ATF7: variants seen among roughly 807,000 people sequenced by gnomAD.
The protein encoded by ATF7 is cyclic AMP-dependent transcription factor ATF-7.
In ATF7, 10 loss-of-function variants were observed where a neutral mutation model predicts 50.4. The observed-to-expected ratio is 0.20, with a 90% CI of 0.12 to 0.34. ATF7 has a LOEUF of 0.34. Among genes scored for constraint, ATF7 ranks in the 10% least tolerant of loss-of-function variants. ATF7 has a pLI of 1.00. For missense variants in ATF7, 465 were observed against 613.9 expected (o/e 0.76, Z 2.56); for synonymous variants, 201 against 226.4 (o/e 0.89, Z 1.01).
At chr12:53,511,826 C>T (rs1944135752), downstream of ATF7, among the ~76,000 whole-genome samples, 1 of 152,186 alleles carries the variant, frequency 6.6e-6, no homozygotes, top group Non-Finnish European at 1.5e-5. Context: ...CCAAGGCAGT[C>T]CACAGGAGCT....
At chr12:53,510,119 A>C (rs369018310), downstream of ATF7, among the ~76,000 whole-genome samples, 193 of 149,868 alleles carry the variant, frequency 1.3e-3, 4 homozygotes, top group South Asian at 0.039. Flanking sequence ...GGCTCACCAC[A>C]ACATCTGCCT....
rs571373216 is a variant in ATF7, at chr12:53,567,011, C to T, written c.49-14374G>A. On this transcript the variant is annotated intron_variant, in intron 2 of 11. Transcript: ENST00000420353. ...TTGTGATCCGCCCGCCTCTGCCTCC[C>T]TAAGTGCTGGGATTACAGGCGTGAG... 2.0e-5 allele frequency among the ~76,000 whole-genome samples: 3 copies of T among 152,328 alleles called. No homozygotes were observed. The East Asian group carries it at 5.8e-4, about 29-fold the overall frequency.
intron 2 of ATF7, among the ~76,000 whole-genome samples, chr12:53,599,933 T>C (rs922747106): frequency 6.6e-6 from 1 of 151,912 alleles, no homozygotes; most frequent in African/African-American, 2.4e-5. Context: ...GGAAGAAGAG[T>C]TAAGAAGATG....
chr12:53,578,761 G>A (rs948142310), intron 2 of ATF7, among the ~76,000 whole-genome samples: 4 of 147,648 alleles, frequency 2.7e-5, no homozygotes, highest in African/African-American at 7.6e-5. Flanking sequence ...CCCAGCCTAC[G>A]TGACACAGTG....
chr12:53,587,843 A>ATATATATATATATATATATTT, intron 2 of ATF7, among the ~76,000 whole-genome samples: 40 of 61,524 alleles, frequency 6.5e-4, no homozygotes, highest in South Asian at 7.4e-4. Flanking sequence ...ATATATATAT[A>ATATATATATATATATATATTT]TTTTTTTTTT....
intron 4 of ATF7, among the ~76,000 whole-genome samples, chr12:53,541,791 A>G (rs1312765041): frequency 1.3e-5 from 2 of 152,138 alleles, no homozygotes; most frequent in Non-Finnish European, 2.9e-5. Context: ...ATTTGTTCAC[A>G]CTAGATCTCT....
chr12:53,537,379 A>G (rs1939283288), intron 5 of ATF7, 36 bp downstream of exon 5: 1 of 1,609,602 alleles, frequency 6.2e-7, no homozygotes, highest in Non-Finnish European at 8.5e-7. Flanking sequence ...AACTTTATCA[A>G]TTAACATTTG....
intron 2 of ATF7, among the ~76,000 whole-genome samples, chr12:53,599,609 A>G (rs1943303207): frequency 6.6e-6 from 1 of 152,252 alleles, no homozygotes; most frequent in Admixed American, 6.5e-5. Flanking sequence ...TCAAAATTTT[A>G]GCATTTACTG....
At chr12:53,530,556 TTATTTTTTTA>T (rs1304243260) in intron 9 of ATF7, among the ~76,000 whole-genome samples, 3 of 151,434 alleles carry the variant, frequency 2.0e-5, no homozygotes, top group South Asian at 2.1e-4. Context: ...TTTTGGTGTC[TTATTTTTTTA>T]TATTTTTTTA....
At chr12:53,561,586 A>G (rs1258171088) in intron 2 of ATF7, among the ~76,000 whole-genome samples, 2 of 152,206 alleles carry the variant, frequency 1.3e-5, no homozygotes, top group Admixed American at 6.5e-5. Flanking sequence ...AGTTTGGGAA[A>G]GCAGGGAAAG....
downstream of ATF7, among the ~76,000 whole-genome samples, chr12:53,509,154 A>G (rs1042443977): frequency 2.8e-4 from 42 of 152,226 alleles, no homozygotes; most frequent in Admixed American, 2.4e-3. Context: ...TCCCGCTCTG[A>G]GCTTCAGTTT....
intron 2 of ATF7, among the ~76,000 whole-genome samples, chr12:53,598,091 A>G (rs1423891452): frequency 6.6e-6 from 1 of 152,250 alleles, no homozygotes; most frequent in Non-Finnish European, 1.5e-5. Context: ...AGGGATATTA[A>G]GGAAGTTGGA....
chr12:53,551,932 G>A (rs1940382684), intron 3 of ATF7, among the ~76,000 whole-genome samples: 1 of 152,166 alleles, frequency 6.6e-6, no homozygotes, highest in South Asian at 2.1e-4. Flanking sequence ...TGCTAAGAGG[G>A]CTCCCTTGAG....
intron 2 of ATF7, among the ~76,000 whole-genome samples, chr12:53,583,236 T>C (rs1484570212): frequency 1.3e-5 from 2 of 152,138 alleles, no homozygotes; most frequent in East Asian, 3.8e-4. Flanking sequence ...TCCCCATCAC[T>C]TGCATTACAG....
rs397938442 is a variant in ATF7, at chr12:53,535,328, C to CAAAAAAAAAAAAAAAAAAA, written c.403-670_403-669insTTTTTTTTTTTTTTTTTTT. Reference sequence around the variant, plus strand: ...CTGGCGACAGAGCGAGACTCTGCCTCAAAAAAAAAAAAAAAAAGAAAAGGG... The same window carrying CAAAAAAAAAAAAAAAAAAA: ...CTGGCGACAGAGCGAGACTCTGCCTCAAAAAAAAAAAAAAAAAAAAAAAAAAAAAAAAAAAAGAAAAGGG... On this transcript the variant is annotated intron_variant, in intron 5 of 11. Transcript: ENST00000420353. Among the ~76,000 whole-genome samples, 130 of 64,854 alleles carry CAAAAAAAAAAAAAAAAAAA rather than the reference C, an allele frequency of 2.0e-3. 1 individual carries two copies. The highest frequency in any genetic ancestry group is 0.011 in the East Asian group (22 of 2,062). The allele number at this position is 64,854 out of a possible 152,430, so 42.5% of individuals were successfully genotyped here. A position where few individuals can be genotyped will look rare whatever the true frequency, so the allele number is the denominator to read the frequency against.
intron 1 of ATF7, among the ~76,000 whole-genome samples, chr12:53,611,604 T>G (rs1943884093): frequency 6.6e-6 from 1 of 151,934 alleles, no homozygotes; most frequent in South Asian, 2.1e-4. Context: ...TTTTCTTTTC[T>G]TTTTGAGACA....
chr12:53,540,640 C>G (rs185455944), intron 4 of ATF7, among the ~76,000 whole-genome samples: 3 of 151,978 alleles, frequency 2.0e-5, no homozygotes, highest in South Asian at 4.2e-4. Flanking sequence ...GCAGGAGAAT[C>G]GCTTGAACCT....
intron 2 of ATF7, among the ~76,000 whole-genome samples, chr12:53,564,739 A>G (rs1293310202): frequency 6.6e-6 from 1 of 152,214 alleles, no homozygotes; most frequent in Non-Finnish European, 1.5e-5. Flanking sequence ...CATCGTTATG[A>G]TCTGGGTTTA....
chr12:53,610,472 G>C (rs951455955), intron 1 of ATF7, among the ~76,000 whole-genome samples: 6 of 151,600 alleles, frequency 4.0e-5, no homozygotes, highest in African/African-American at 1.2e-4. Context: ...GGGTGAGGTG[G>C]GAGAATCACT....
Sources: allele counts gnomAD v4.1 joint callset (sites outside exome capture counted in the v4.1 genomes callset), GRCh38; gene constraint gnomAD v4.1.1; transcripts MANE v1.5; gene names NCBI Gene and HGNC (gene_info 2026-07-23, HGNC 2026-07-21).